MACROD2: variants seen among roughly 807,000 people sequenced by gnomAD.
MACROD2 encodes the protein mono-ADP ribosylhydrolase 2.
In MACROD2, 36 loss-of-function variants were observed where a neutral mutation model predicts 70.4. That is an observed-to-expected ratio of 0.51 (90% CI 0.39 to 0.68). The LOEUF is 0.68. Among genes scored for constraint, MACROD2 ranks in the 30% least tolerant of loss-of-function variants. The pLI, the probability that MACROD2 is intolerant of heterozygous loss-of-function variation, is 0.00. For synonymous variants in MACROD2, 172 were observed against 178.8 expected (o/e 0.96, Z 0.30); for missense variants, 496 against 538.4 (o/e 0.92, Z 0.78).
rs1424718531 is a variant in MACROD2, at chr20:15,937,517, G to A, written c.880G>A (p.Glu294Lys). ...TVTVPGPASEEAVEDCKDEDF... is the reference protein window; with the variant it reads ...TVTVPGPASEKAVEDCKDEDF... ...CACTGTGCCCGGCCCTGCTTCAGAA[G>A]AGGCAGTTGAAGACTGTAAAGATGA... Residue 294 changes from glutamate to lysine, a missense_variant, in exon 12 of 18, where the codon GAG becomes AAG. Transcript: ENST00000684519. 6.2e-7 allele frequency: 1 copy of A among 1,613,428 alleles called. No homozygotes were observed. Among genetic ancestry groups the A allele is most frequent in the Non-Finnish European group, 8.5e-7 (1 of 1,179,520 alleles).
At chr20:15,565,260 C>G (rs1230166736) in intron 8 of MACROD2, among the ~76,000 whole-genome samples, 1 of 152,182 alleles carries the variant, frequency 6.6e-6, no homozygotes, top group Non-Finnish European at 1.5e-5. Flanking sequence ...AAATAAATCC[C>G]TAGAGATCTC....
intron 2 of MACROD2, among the ~76,000 whole-genome samples, chr20:14,070,855 A>G (rs950622133): frequency 6.6e-6 from 1 of 152,174 alleles, no homozygotes; most frequent in Non-Finnish European, 1.5e-5. Context: ...AATATCTCCC[A>G]GCATCTTATT....
chr20:15,231,044 A>G (rs540572952), intron 6 of MACROD2, among the ~76,000 whole-genome samples: 1 of 152,246 alleles, frequency 6.6e-6, no homozygotes, highest in East Asian at 1.9e-4. Context: ...TTTGAGAAGC[A>G]GATACATTTA....
At chr20:15,921,413 C>T (rs1441230929) in intron 10 of MACROD2, among the ~76,000 whole-genome samples, 1 of 152,214 alleles carries the variant, frequency 6.6e-6, no homozygotes, top group Non-Finnish European at 1.5e-5. Context: ...CCCATAGGCC[C>T]CTCGTAAGTC....
intron 10 of MACROD2, among the ~76,000 whole-genome samples, chr20:15,900,970 C>G (rs1209156668): frequency 6.6e-6 from 1 of 152,150 alleles, no homozygotes; most frequent in Non-Finnish European, 1.5e-5. Context: ...AAGAGCTGGT[C>G]AGTGAGTATA....
intron 2 of MACROD2, among the ~76,000 whole-genome samples, chr20:14,040,106 G>T (rs889611867): frequency 1.8e-4 from 27 of 152,034 alleles, no homozygotes; most frequent in Non-Finnish European, 3.2e-4. Flanking sequence ...GTCGTGTGTT[G>T]CCAACAACAG....
intron 3 of MACROD2, among the ~76,000 whole-genome samples, chr20:14,311,063 T>A (rs925960830): frequency 2.0e-5 from 3 of 152,168 alleles, no homozygotes; most frequent in African/African-American, 4.8e-5. Flanking sequence ...AAAATATTTT[T>A]AAAATACGTT....
intron 8 of MACROD2, among the ~76,000 whole-genome samples, chr20:15,519,858 C>A (rs955637343): frequency 6.6e-6 from 1 of 152,156 alleles, no homozygotes; most frequent in East Asian, 1.9e-4. Context: ...TGTGGGAATG[C>A]AGAGCAAAAT....
intron 8 of MACROD2, among the ~76,000 whole-genome samples, chr20:15,503,100 A>T (rs2047384383): frequency 6.6e-6 from 1 of 152,232 alleles, no homozygotes; most frequent in Non-Finnish European, 1.5e-5. Flanking sequence ...GACAAAAATT[A>T]GTAATGTCTG....
At chr20:14,754,545 G>T (rs2071915193) in intron 5 of MACROD2, among the ~76,000 whole-genome samples, 1 of 152,004 alleles carries the variant, frequency 6.6e-6, no homozygotes, top group Non-Finnish European at 1.5e-5. Context: ...TTAAATGTCT[G>T]GTGGGCACAG....
At position 14,865,711 on chromosome 20, in the gene MACROD2, G is replaced by T. The variant is rs1297903753; in HGVS notation, c.418+180752G>T. ...TGTATTATATACCAGATTTGGATTT[G>T]CATCTGTGTGTCATATGCTCTTAGT... is the stretch of plus-strand genomic sequence containing the variant. On this transcript the variant is annotated intron_variant, in intron 5 of 17. Coordinates refer to ENST00000684519, the MANE Select transcript of MACROD2 (RefSeq NM_001351661.2). 4.6e-5 allele frequency among the ~76,000 whole-genome samples: 7 copies of T among 151,968 alleles called. 1 individual carries two copies. The highest frequency in any genetic ancestry group is 1.0e-4 in the Non-Finnish European group (7 of 68,000).
intron 3 of MACROD2, among the ~76,000 whole-genome samples, chr20:14,294,327 T>G (rs1355317259): frequency 6.6e-6 from 1 of 150,878 alleles, no homozygotes; most frequent in Non-Finnish European, 1.5e-5. Context: ...ACTAGATGAA[T>G]AGTTTGTAGA....
At chr20:14,075,449 G>A (rs935163443) in intron 2 of MACROD2, among the ~76,000 whole-genome samples, 1 of 152,150 alleles carries the variant, frequency 6.6e-6, no homozygotes, top group Non-Finnish European at 1.5e-5. Context: ...GTGGATAGGA[G>A]GGACTACTAG....
At chr20:14,269,513 T>C (rs1185864145) in intron 3 of MACROD2, among the ~76,000 whole-genome samples, 4 of 152,240 alleles carry the variant, frequency 2.6e-5, no homozygotes, top group African/African-American at 9.6e-5. Flanking sequence ...TATCTTGTTA[T>C]TCTTAGCAAC....
intron 6 of MACROD2, among the ~76,000 whole-genome samples, chr20:15,390,283 AATGGGATGTTCTCCAAACCCCCT>A (rs1485599340): frequency 6.6e-6 from 1 of 152,164 alleles, no homozygotes; most frequent in Non-Finnish European, 1.5e-5. Flanking sequence ...TCAGCTTATC[AATGGGATGTTCTCCAAACCCCCT>A]ATGAAATACA....
At chr20:15,677,377 G>A (rs1164304332) in intron 8 of MACROD2, among the ~76,000 whole-genome samples, 2 of 152,094 alleles carry the variant, frequency 1.3e-5, no homozygotes. Context: ...GCGGTGGTGG[G>A]GGGAAGTGGG....
At position 15,740,711 on chromosome 20, in the gene MACROD2, C is replaced by CTTT. The variant is rs11474009; in HGVS notation, c.646-122025_646-122023dup. Among the ~76,000 whole-genome samples, 415 of 145,146 alleles carry CTTT rather than the reference C, an allele frequency of 2.9e-3. 3 individuals are homozygous for CTTT. Among genetic ancestry groups the CTTT allele is most frequent in the African/African-American group, 0.01 (403 of 39,792 alleles). ...CAACAAAATTTACTTTACATGGAGCCTTTTTTTTTTTAATGCAATGCATGG... is the reference window on the plus strand; with the variant it reads ...CAACAAAATTTACTTTACATGGAGCCTTTTTTTTTTTTTTAATGCAATGCATGG... On this transcript the variant is annotated intron_variant, in intron 8 of 17. Transcript: ENST00000684519.
chr20:15,949,919 G>T (rs1302560350), intron 12 of MACROD2, among the ~76,000 whole-genome samples: 2 of 152,112 alleles, frequency 1.3e-5, no homozygotes, highest in Non-Finnish European at 2.9e-5. Flanking sequence ...AGTCTTTTCT[G>T]TCTACAAATT....
intron 8 of MACROD2, among the ~76,000 whole-genome samples, chr20:15,798,541 TA>T (rs1368206663): frequency 1.3e-5 from 2 of 152,138 alleles, no homozygotes; most frequent in Non-Finnish European, 2.9e-5. Context: ...ATTCTATTGG[TA>T]AAAAGTAAGT....
Sources: allele counts gnomAD v4.1 joint callset (sites outside exome capture counted in the v4.1 genomes callset), GRCh38; gene constraint gnomAD v4.1.1; transcripts MANE v1.5; gene names NCBI Gene and HGNC (gene_info 2026-07-23, HGNC 2026-07-21).